The following ROBO1 variants were observed in gnomAD, a reference collection of about 807,000 sequenced individuals.
ROBO1 encodes the protein roundabout guidance receptor 1.
ROBO1 carries 149 observed loss-of-function variants against 195.9 expected under a neutral mutation model. The observed-to-expected ratio is 0.76, with a 90% CI of 0.67 to 0.87. The LOEUF (loss-of-function observed/expected upper bound fraction) is 0.87, where lower values mean the gene tolerates loss of function less well. Ranked by LOEUF, ROBO1 falls within the 40% of genes least tolerant of loss-of-function variation. The pLI is 0.00. For synonymous variants in ROBO1, 816 were observed against 733.2 expected (o/e 1.11, Z -1.82); for missense variants, 1,933 against 2,068.3 (o/e 0.93, Z 1.27).
chr3:79,137,512 A>T (rs1442847199), intron 2 of ROBO1, among the ~76,000 whole-genome samples: 1 of 152,092 alleles, frequency 6.6e-6, no homozygotes, highest in Non-Finnish European at 1.5e-5. Context: ...ACCTGCACTG[A>T]TTATAATCAC....
intron 2 of ROBO1, among the ~76,000 whole-genome samples, chr3:79,206,566 G>T (rs923299981): frequency 3.9e-5 from 6 of 152,082 alleles, no homozygotes; most frequent in African/African-American, 1.4e-4. Context: ...CATCTACTGG[G>T]GGTCTTGAAA....
At chr3:78,763,968 C>T (rs965472192) in intron 4 of ROBO1, among the ~76,000 whole-genome samples, 1 of 152,150 alleles carries the variant, frequency 6.6e-6, no homozygotes, top group African/African-American at 2.4e-5. Context: ...GATGTGATTA[C>T]GTGTCAAACG....
chr3:78,992,612 G>C (rs934680394), intron 3 of ROBO1, among the ~76,000 whole-genome samples: 1 of 152,104 alleles, frequency 6.6e-6, no homozygotes, highest in Non-Finnish European at 1.5e-5. Flanking sequence ...TGTGAGTCAA[G>C]GTGTGCTGTG....
chr3:78,923,816 T>C (rs1372098905), intron 4 of ROBO1, among the ~76,000 whole-genome samples: 3 of 152,116 alleles, frequency 2.0e-5, no homozygotes. Context: ...TGAGTTCCTC[T>C]GAGAAGGCGA....
chr3:78,779,755 G>A (rs373116667), intron 4 of ROBO1, among the ~76,000 whole-genome samples: 5 of 152,232 alleles, frequency 3.3e-5, no homozygotes, highest in Non-Finnish European at 7.4e-5. Context: ...CCATTACTGG[G>A]TATATACACA....
chr3:79,751,860 C>T (rs1704142722), intron 1 of ROBO1, among the ~76,000 whole-genome samples: 2 of 152,108 alleles, frequency 1.3e-5, no homozygotes, highest in Admixed American at 1.3e-4. Flanking sequence ...AAGACAGGTG[C>T]ACAGTCTTAC....
chr3:79,144,677 T>C (rs988819003), intron 2 of ROBO1, among the ~76,000 whole-genome samples: 2 of 151,962 alleles, frequency 1.3e-5, no homozygotes, highest in African/African-American at 4.8e-5. Flanking sequence ...AATAATGTCA[T>C]CTCATTCTCC....
At chr3:79,495,036 G>T (rs1286234117) in intron 2 of ROBO1, among the ~76,000 whole-genome samples, 2 of 152,048 alleles carry the variant, frequency 1.3e-5, no homozygotes, top group African/African-American at 4.8e-5. Context: ...TAGATAGATA[G>T]ATAGATAATT....
intron 2 of ROBO1, among the ~76,000 whole-genome samples, chr3:79,274,192 T>A (rs536276707): frequency 3.3e-5 from 5 of 152,038 alleles, no homozygotes; most frequent in African/African-American, 1.2e-4. Context: ...GAACATCTCA[T>A]CCAACAGCTA....
intron 2 of ROBO1, among the ~76,000 whole-genome samples, chr3:79,259,785 C>T (rs930629590): frequency 4.6e-5 from 7 of 152,174 alleles, no homozygotes; most frequent in African/African-American, 1.7e-4. Flanking sequence ...AAATTACCCA[C>T]TGTGTGTACT....
intron 2 of ROBO1, among the ~76,000 whole-genome samples, chr3:79,433,335 T>C (rs1340592677): frequency 6.6e-6 from 1 of 152,178 alleles, no homozygotes; most frequent in Non-Finnish European, 1.5e-5. Context: ...CAGCTCCATC[T>C]ATGCATCTAT....
At position 78,714,467 on chromosome 3, in the gene ROBO1, C is replaced by G; in HGVS notation, c.975G>C (p.Met325Ile). The G allele has an allele frequency of 6.2e-7, 1 of 1,613,112 alleles. No individual in the cohort carries two copies. Among genetic ancestry groups the G allele is most frequent in the Non-Finnish European group, 8.5e-7 (1 of 1,179,446 alleles). Residue 325 changes from methionine to isoleucine, a missense_variant, in exon 8 of 31, where the codon ATG (methionine) becomes ATC (isoleucine). Transcript: ENST00000464233. ...TTTCTGCAACACAAGTGTATGAACC[C>G]ATGTCACCAGCTGTCACCTTCCTAA... is the stretch of plus-strand genomic sequence containing the variant. ...LKIRKVTAGD[M>I]GSYTCVAENM...
chr3:79,641,470 C>T lies in ROBO1; in HGVS notation c.-50-51509G>A, dbSNP rs111513076. ...CTAGATGACGAGTTAGTGGGTGCAG[C>T]GCACCAGCATGGCACATGTATACAT... On this transcript the variant is annotated intron_variant, in intron 1 of 30. Transcript: ENST00000464233. 6.6e-3 allele frequency among the ~76,000 whole-genome samples: 1,004 copies of T among 151,952 alleles called. 10 individuals carry two copies. The highest frequency in any genetic ancestry group is 0.023 in the African/African-American group (942 of 41,464).
chr3:78,856,464 A>C (rs2034444263), intron 4 of ROBO1, among the ~76,000 whole-genome samples: 1 of 151,888 alleles, frequency 6.6e-6, no homozygotes, highest in Non-Finnish European at 1.5e-5. Flanking sequence ...ATAGTATCAT[A>C]AATTTGAAGG....
At chr3:79,170,814 C>G (rs927250595) in intron 2 of ROBO1, among the ~76,000 whole-genome samples, 3 of 152,008 alleles carry the variant, frequency 2.0e-5, no homozygotes, top group African/African-American at 7.2e-5. Flanking sequence ...AGAGTTGACT[C>G]TTCATCAACT....
chr3:79,026,415 G>A (rs913140655), intron 3 of ROBO1, among the ~76,000 whole-genome samples: 1 of 152,020 alleles, frequency 6.6e-6, no homozygotes, highest in African/African-American at 2.4e-5. Context: ...GTTTTTGTGT[G>A]TAAAGATCTA....
At chr3:79,519,516 C>G (rs888503054) in intron 2 of ROBO1, among the ~76,000 whole-genome samples, 6 of 148,116 alleles carry the variant, frequency 4.1e-5, no homozygotes, top group African/African-American at 1.5e-4. Flanking sequence ...GTAGTCTCAG[C>G]TATTCGAGAG....
At chr3:79,236,291 C>T (rs1230868930) in intron 2 of ROBO1, among the ~76,000 whole-genome samples, 1 of 152,108 alleles carries the variant, frequency 6.6e-6, no homozygotes, top group African/African-American at 2.4e-5. Context: ...TTGCTCTGTC[C>T]ATTTCCTTAT....
chr3:79,191,023 C>T lies in ROBO1; in HGVS notation c.89-65484G>A, dbSNP rs76408956. On this transcript the variant is annotated intron_variant, in intron 2 of 30. Coordinates refer to ENST00000464233, the MANE Select transcript of ROBO1 (RefSeq NM_002941.4). ...ATACAGTGAACTATACGATGTAAAA[C>T]TATAAAGAAGACATGAGGAAACTCG... 9.9e-5 allele frequency among the ~76,000 whole-genome samples: 15 copies of T among 151,562 alleles called. No individual in the cohort carries two copies. In the East Asian group the frequency reaches 2.9e-3, roughly 29 times the overall value.
Sources: gnomAD v4.1 joint callset for allele counts (sites outside exome capture counted in the v4.1 genomes callset) on GRCh38, gnomAD v4.1.1 for gene constraint, MANE v1.5 for transcripts, NCBI Gene and HGNC (gene_info 2026-07-23, HGNC 2026-07-21) for gene names.